Variants in DLG1 observed in about 807,000 individuals in gnomAD.
The protein encoded by DLG1 is discs large MAGUK scaffold protein 1.
DLG1 carries 42 observed loss-of-function variants against 123.4 expected under a neutral mutation model. The observed-to-expected ratio is 0.34, with a 90% CI of 0.27 to 0.44. The LOEUF (loss-of-function observed/expected upper bound fraction) is 0.44, where lower values mean the gene tolerates loss of function less well. Ranked by LOEUF, DLG1 falls within the 20% of genes least tolerant of loss-of-function variation. The pLI, the probability that DLG1 is intolerant of heterozygous loss-of-function variation, is 1.00. For synonymous variants in DLG1, 317 were observed against 356.2 expected (o/e 0.89, Z 1.24); for missense variants, 942 against 1,082.6 (o/e 0.87, Z 1.82).
chr3:197,297,872 G>A (rs1356257056), intron 1 of DLG1: 7 of 985,094 alleles, frequency 7.1e-6, no homozygotes, highest in Non-Finnish European at 8.4e-6. Flanking sequence ...TCCCCAGCCC[G>A]GCCCCGCTCC....
At chr3:197,204,207 A>G (rs1258002664) in intron 4 of DLG1, among the ~76,000 whole-genome samples, 1 of 152,240 alleles carries the variant, frequency 6.6e-6, no homozygotes, top group African/African-American at 2.4e-5. Flanking sequence ...TGTACATTTC[A>G]AATGAGCTAA....
chr3:197,045,258 A>G (rs1032435630), intron 24 of DLG1, among the ~76,000 whole-genome samples: 1 of 152,214 alleles, frequency 6.6e-6, no homozygotes, highest in Non-Finnish European at 1.5e-5. Flanking sequence ...AGACTTAACA[A>G]TCAATGTTTA....
At position 197,050,957 on chromosome 3, in the gene DLG1, T is replaced by C. The variant is rs927263826; in HGVS notation, c.2575+620A>G. Among the ~76,000 whole-genome samples the C allele has an allele frequency of 5.3e-5, 8 of 152,206 alleles. No individual in the cohort carries two copies. The South Asian group carries it at 6.2e-4, about 12-fold the overall frequency. On this transcript the variant is annotated intron_variant, in intron 24 of 24. Coordinates refer to ENST00000667157, the MANE Select transcript of DLG1 (RefSeq NM_001366207.1). The stretch of plus-strand genomic sequence containing the variant: ...GCTAGAGAAAATGGATCAAAATTTA[T>C]AAAGGATAAGAGAAAAATCAGAGTT...
At chr3:197,289,207 G>A (rs577060981) in intron 3 of DLG1, among the ~76,000 whole-genome samples, 13 of 152,302 alleles carry the variant, frequency 8.5e-5, no homozygotes, top group Admixed American at 3.3e-4. Context: ...GCTTTTCAGG[G>A]ATAATTTTAA....
rs1258442651 is a variant in DLG1 at position 197,043,626 on chromosome 3, CATAG to C, written c.*993_*996del. On this transcript the variant is annotated 3_prime_UTR_variant, in exon 25 of 25. Transcript: ENST00000667157. ...GCAACTATGTAAAGAAAATAATTCC[CATAG>C]TTACAGTTTAAAGAAAGTTTTATAT... is the stretch of plus-strand genomic sequence containing the variant. The C allele has an allele frequency of 6.6e-6, 1 of 150,878 alleles. No homozygotes were observed. Among genetic ancestry groups the C allele is most frequent in the Non-Finnish European group, 1.5e-5 (1 of 67,732 alleles). The allele number at this position is 150,878 out of a possible 1,614,324, so 9.3% of individuals were successfully genotyped here. A position where few individuals can be genotyped will look rare whatever the true frequency, so the allele number is the denominator to read the frequency against.
intron 10 of DLG1, among the ~76,000 whole-genome samples, chr3:197,132,383 C>T (rs1470302152): frequency 6.6e-6 from 1 of 151,820 alleles, no homozygotes; most frequent in East Asian, 1.9e-4. Flanking sequence ...ATATTTTTCA[C>T]TTTTTCCTAA....
intron 4 of DLG1, among the ~76,000 whole-genome samples, chr3:197,202,524 T>G (rs1044039548): frequency 6.6e-6 from 1 of 152,120 alleles, no homozygotes; most frequent in Non-Finnish European, 1.5e-5. Flanking sequence ...ATCTCAAAAT[T>G]TTAAACCCAT....
At chr3:197,120,372 AAAATTATAGTG>A (rs1775681425) in intron 11 of DLG1, among the ~76,000 whole-genome samples, 1 of 152,232 alleles carries the variant, frequency 6.6e-6, no homozygotes, top group African/African-American at 2.4e-5. Flanking sequence ...CTAATAACAG[AAAATTATAGTG>A]ATTCCTGACC....
chr3:197,126,018 T>C (rs547788602), intron 11 of DLG1, among the ~76,000 whole-genome samples: 1 of 152,220 alleles, frequency 6.6e-6, no homozygotes, highest in African/African-American at 2.4e-5. Context: ...CACAAACAGA[T>C]TGTTTATGAA....
At chr3:197,061,164 T>C (rs1156451576) in intron 22 of DLG1, among the ~76,000 whole-genome samples, 1 of 152,206 alleles carries the variant, frequency 6.6e-6, no homozygotes, top group African/African-American at 2.4e-5. Context: ...AATTTCAATT[T>C]GGTGGGCACA....
chr3:197,053,733 C>T lies in DLG1; in HGVS notation c.2484-2065G>A, dbSNP rs564120432. 6.6e-4 allele frequency among the ~76,000 whole-genome samples: 98 copies of T among 149,422 alleles called. 1 individual carries two copies. The highest frequency in any genetic ancestry group is 5.9e-4 in the East Asian group (3 of 5,114). ...AGGTTGCAGTGAGCTGAGAATGAGC[C>T]ACTGCACTCCAGCCTGGGAGACAGA... On this transcript the variant is annotated intron_variant, in intron 23 of 24. Coordinates refer to ENST00000667157, the MANE Select transcript of DLG1 (RefSeq NM_001366207.1).
At chr3:197,050,361 CA>C in intron 24 of DLG1, among the ~76,000 whole-genome samples, 1 of 129,210 alleles carries the variant, frequency 7.7e-6, no homozygotes, top group East Asian at 3.8e-4. Context: ...AGCCAGACTC[CA>C]TTTCAAAAAA....
intron 5 of DLG1, chr3:197,184,069 TTCTC>T: frequency 8.1e-7 from 1 of 1,235,646 alleles, no homozygotes; most frequent in Non-Finnish European, 1.0e-6. Flanking sequence ...GTGGATTTCT[TTCTC>T]ATGATTATTT....
At chr3:197,116,196 G>A (rs1317993324) in intron 12 of DLG1, 113 bp from the exon 13 acceptor site, 24 of 776,578 alleles carry the variant, frequency 3.1e-5, no homozygotes, top group Non-Finnish European at 4.5e-5. Context: ...AAGAAAGCTA[G>A]ACAAAATATA....
At chr3:197,244,764 C>A (rs1357274610) in intron 4 of DLG1, among the ~76,000 whole-genome samples, 1 of 151,990 alleles carries the variant, frequency 6.6e-6, no homozygotes, top group East Asian at 1.9e-4. Flanking sequence ...CCTTCCCAAG[C>A]TGGTTTGAGT....
At chr3:197,245,530 GTA>G (rs1751192280) in intron 4 of DLG1, among the ~76,000 whole-genome samples, 1 of 152,134 alleles carries the variant, frequency 6.6e-6, no homozygotes, top group South Asian at 2.1e-4. Flanking sequence ...TTTTGCTAGA[GTA>G]TAAATTCCTA....
chr3:197,177,939 G>A (rs929407403), intron 5 of DLG1, among the ~76,000 whole-genome samples: 9 of 152,006 alleles, frequency 5.9e-5, no homozygotes, highest in African/African-American at 2.2e-4. Flanking sequence ...ACCTGCTTGG[G>A]CCCTCCTTAG....
At chr3:197,093,343 G>A (rs1758804463) in intron 14 of DLG1, among the ~76,000 whole-genome samples, 1 of 152,088 alleles carries the variant, frequency 6.6e-6, no homozygotes. Context: ...ATTTTTAATA[G>A]AGACGGGGTT....
intron 4 of DLG1, among the ~76,000 whole-genome samples, chr3:197,217,166 G>C (rs1416695970): frequency 6.6e-6 from 1 of 152,146 alleles, no homozygotes; most frequent in Non-Finnish European, 1.5e-5. Flanking sequence ...ATATGTGAGA[G>C]TATGCTCTCG....
Sources: allele counts gnomAD v4.1 joint callset (sites outside exome capture counted in the v4.1 genomes callset), GRCh38; gene constraint gnomAD v4.1.1; transcripts MANE v1.5; gene names NCBI Gene and HGNC (gene_info 2026-07-23, HGNC 2026-07-21).